Variants in RAB8A observed in about 807,000 individuals in gnomAD.
RAB8A encodes the protein RAB8A, member RAS oncogene family, also known as ras-related protein Rab-8A.
RAB8A carries 5 observed loss-of-function variants against 29.2 expected under a neutral mutation model. The observed-to-expected ratio is 0.17, with a 90% confidence interval of 0.09 to 0.36. RAB8A has a LOEUF of 0.36. Ranked by LOEUF, RAB8A falls within the 10% of genes least tolerant of loss-of-function variation. RAB8A has a pLI of 1.00. For synonymous variants in RAB8A, 108 were observed against 99.9 expected, an observed-to-expected ratio of 1.08 and a Z score of -0.49; for missense variants, 171 against 272.2, an observed-to-expected ratio of 0.63 and a Z score of 2.62.
Position 16,127,907 on chromosome 19 carries a change from A to G in RAB8A, c.415-119A>G. 1.0e-6 allele frequency: 1 copy of G among 1,004,086 alleles called. No homozygotes were observed. The highest frequency in any genetic ancestry group is 1.6e-6 in the Non-Finnish European group (1 of 640,166). The allele number at this position is 1,004,086 out of a possible 1,614,324, so 62.2% of individuals were successfully genotyped here. On this transcript the variant is annotated intron_variant, in intron 5 of 7. Coordinates refer to ENST00000300935, the MANE Select transcript of RAB8A (RefSeq NM_005370.5). This position sits in a 1 kb window ranked among gnomAD's most constrained non-coding sequence, Gnocchi z 4.8. ...GAGTGATCCAGGAAGTCACGCCCAC[A>G]GCCCCAGCCCTGTTGCTGCTCCCTC...
At chr19:16,123,045 C>CT (rs1267086897) in intron 3 of RAB8A, among the ~76,000 whole-genome samples, 2 of 152,226 alleles carry the variant, frequency 1.3e-5, no homozygotes, top group East Asian at 3.8e-4. Context: ...CTCAGATTAT[C>CT]TCATTGCATT....
chr19:16,128,154 G>C (rs1192425790), intron 6 of RAB8A, 63 bp downstream of exon 6: 1 of 1,555,220 alleles, frequency 6.4e-7, no homozygotes, highest in Non-Finnish European at 8.9e-7. Flanking sequence ...AGGCTAAAGG[G>C]GGAGCTGGCG....
Position 16,127,356 on chromosome 19 carries a change from C to A in RAB8A, c.325-81C>A. ...AGTCCTGACCCCACCGCTCTGATTTCTGGGGACAGACTGTGTGTTGGCAGA... is the reference window on the plus strand; with the variant it reads ...AGTCCTGACCCCACCGCTCTGATTTATGGGGACAGACTGTGTGTTGGCAGA... On this transcript the variant is annotated intron_variant, in intron 4 of 7. Coordinates refer to ENST00000300935, the MANE Select transcript of RAB8A (RefSeq NM_005370.5). The surrounding 1 kb of genome is among the most constrained non-coding windows in gnomAD (Gnocchi z 4.8). 1.1e-6 allele frequency: 1 copy of A among 942,464 alleles called. No individual in the cohort carries two copies. The highest frequency in any genetic ancestry group is 3.0e-5 in the East Asian group (1 of 33,786). The allele number at this position is 942,464 out of a possible 1,614,324, so 58.4% of individuals were successfully genotyped here. A position where few individuals can be genotyped will look rare whatever the true frequency, so the allele number is the denominator to read the frequency against.
At chr19:16,118,118 C>A in intron 1 of RAB8A, 108 bp from the exon 2 acceptor site, 2 of 844,332 alleles carry the variant, frequency 2.4e-6, no homozygotes, top group South Asian at 1.4e-5. Flanking sequence ...CAGGCAGGGT[C>A]TCCGTAAGCC....
intron 6 of RAB8A, among the ~76,000 whole-genome samples, chr19:16,128,979 C>G (rs1478806923): frequency 6.6e-6 from 1 of 152,212 alleles, no homozygotes; most frequent in African/African-American, 2.4e-5. Context: ...AAGGCTGTGA[C>G]AGCAGCTCAA....
chr19:16,128,156 G>A (rs763703589), intron 6 of RAB8A, 65 bp downstream of exon 6: 243 of 1,544,540 alleles, frequency 1.6e-4, no homozygotes, highest in Non-Finnish European at 2.1e-4. Flanking sequence ...GCTAAAGGGG[G>A]AGCTGGCGTC....
At chr19:16,114,905 C>T (rs2090840022) in intron 1 of RAB8A, among the ~76,000 whole-genome samples, 1 of 145,422 alleles carries the variant, frequency 6.9e-6, no homozygotes, top group South Asian at 2.2e-4. Flanking sequence ...CCTCATAATT[C>T]TTAGGCCTCA....
chr19:16,128,169 C>A, intron 6 of RAB8A, 78 bp downstream of exon 6: 1 of 1,478,192 alleles, frequency 6.8e-7, no homozygotes. Flanking sequence ...CTGGCGTCCT[C>A]CGAGGAGGTC....
At chr19:16,115,009 G>A (rs1599394255) in intron 1 of RAB8A, among the ~76,000 whole-genome samples, 1 of 152,096 alleles carries the variant, frequency 6.6e-6, no homozygotes, top group East Asian at 1.9e-4. Context: ...CAACCTAACA[G>A]TGCTCCTCGA....
Position 16,132,098 on chromosome 19 carries a change from T to A in RAB8A, c.532-114T>A, listed in dbSNP as rs1187546410. ...GTTGTTTGGTTGGTTGGTTGGTTGG[T>A]TGGTTGGATGGTTGGATGGATGGTT... On this transcript the variant is annotated intron_variant, in intron 7 of 7. Transcript: ENST00000300935. This position sits in a 1 kb window ranked among gnomAD's most constrained non-coding sequence, Gnocchi z 5.6. 1.8e-5 allele frequency: 15 copies of A among 837,866 alleles called. No individual in the cohort carries two copies. The East Asian group carries it at 3.5e-4, about 19-fold the overall frequency. The allele number at this position is 837,866 out of a possible 1,614,324, so 51.9% of individuals were successfully genotyped here.
Position 16,127,330 on chromosome 19 carries a change from C to T in RAB8A, c.325-107C>T. 1.6e-6 allele frequency: 1 copy of T among 612,356 alleles called. No individual in the cohort carries two copies. The highest frequency in any genetic ancestry group is 1.9e-5 in the African/African-American group (1 of 52,540). The allele number at this position is 612,356 out of a possible 1,614,324, so 37.9% of individuals were successfully genotyped here. On this transcript the variant is annotated intron_variant, in intron 4 of 7. Coordinates refer to ENST00000300935, the MANE Select transcript of RAB8A (RefSeq NM_005370.5). The surrounding 1 kb of genome is among the most constrained non-coding windows in gnomAD (Gnocchi z 4.8). ...GTCCCTTAGACCAGGCTGTACCTAG[C>T]AGTCCTGACCCCACCGCTCTGATTT...
At chr19:16,130,876 T>G (rs1448651305) in intron 7 of RAB8A, among the ~76,000 whole-genome samples, 12 of 151,982 alleles carry the variant, frequency 7.9e-5, no homozygotes. Flanking sequence ...CAGGCTAGAG[T>G]GCAATGGTGC....
intron 7 of RAB8A, among the ~76,000 whole-genome samples, chr19:16,130,838 T>TTTTTC (rs2090921733): frequency 7.5e-6 from 1 of 133,698 alleles, no homozygotes; most frequent in Non-Finnish European, 1.7e-5. Flanking sequence ...TTTTCTTTTT[T>TTTTTC]TTTGAGAAGG....
At chr19:16,131,594 G>A (rs575533369) in intron 7 of RAB8A, among the ~76,000 whole-genome samples, 52 of 152,016 alleles carry the variant, frequency 3.4e-4, no homozygotes, top group African/African-American at 1.3e-3. Context: ...TGGATGGGTG[G>A]ATGGATGGTT....
At position 16,114,084 on chromosome 19, in the gene RAB8A, A is replaced by G. The variant is rs912801994; in HGVS notation, c.124+2059A>G. On this transcript the variant is annotated intron_variant, in intron 1 of 7. Coordinates refer to ENST00000300935, the MANE Select transcript of RAB8A (RefSeq NM_005370.5). ...GTGGCGTTAATTCAGCCTGGGCAACATGGCAAACCCCATCTCTACAAAAAA... is the reference window on the plus strand; with the variant it reads ...GTGGCGTTAATTCAGCCTGGGCAACGTGGCAAACCCCATCTCTACAAAAAA... Among the ~76,000 whole-genome samples the G allele has an allele frequency of 3.3e-5, 5 of 152,000 alleles. No individual in the cohort carries two copies. The East Asian group carries it at 7.7e-4, about 23-fold the overall frequency.
intron 1 of RAB8A, 134 bp downstream of exon 1, chr19:16,112,159 A>G: frequency 7.7e-7 from 1 of 1,305,284 alleles, no homozygotes; most frequent in East Asian, 2.4e-5. Context: ...TAAAGGGAGA[A>G]GAGCAGTCGC....
At position 16,132,101 on chromosome 19, in the gene RAB8A, G is replaced by C; in HGVS notation, c.532-111G>C. 1 of 865,830 alleles carries C rather than the reference G, an allele frequency of 1.2e-6. No homozygotes were observed. The highest frequency in any genetic ancestry group is 1.9e-6 in the Non-Finnish European group (1 of 536,660). The allele number at this position is 865,830 out of a possible 1,614,324, so 53.6% of individuals were successfully genotyped here. ...GTTTGGTTGGTTGGTTGGTTGGTTG[G>C]TTGGATGGTTGGATGGATGGTTAGG... On this transcript the variant is annotated intron_variant, in intron 7 of 7. Coordinates refer to ENST00000300935, the MANE Select transcript of RAB8A (RefSeq NM_005370.5). The surrounding 1 kb of genome is among the most constrained non-coding windows in gnomAD (Gnocchi z 5.6).
Position 16,127,811 on chromosome 19 carries a change from C to G in RAB8A, c.415-215C>G. The G allele has an allele frequency of 1.6e-6, 1 of 632,936 alleles. No homozygotes were observed. The highest frequency in any genetic ancestry group is 2.8e-6 in the Non-Finnish European group (1 of 352,130). The allele number at this position is 632,936 out of a possible 1,614,324, so 39.2% of individuals were successfully genotyped here. Reference sequence around the variant, plus strand: ...CAGCAGGTCCCCGCCACCCTCCCATCTCAGCTGCCATCCCCAGCAACTCCA... The same window carrying G: ...CAGCAGGTCCCCGCCACCCTCCCATGTCAGCTGCCATCCCCAGCAACTCCA... On this transcript the variant is annotated intron_variant, in intron 5 of 7. Coordinates refer to ENST00000300935, the MANE Select transcript of RAB8A (RefSeq NM_005370.5). The surrounding 1 kb of genome is among the most constrained non-coding windows in gnomAD (Gnocchi z 4.8).
At chr19:16,117,859 G>A (rs541058178) in intron 1 of RAB8A, among the ~76,000 whole-genome samples, 2 of 152,324 alleles carry the variant, frequency 1.3e-5, no homozygotes, top group East Asian at 1.9e-4. Flanking sequence ...CTGTGTGCCT[G>A]GGGGTTGGTC....
Sources: gnomAD v4.1 joint callset for allele counts (sites outside exome capture counted in the v4.1 genomes callset) on GRCh38, gnomAD v4.1.1 for gene constraint, Gnocchi (gnomAD v3.1) non-coding constraint, MANE v1.5 for transcripts, NCBI Gene and HGNC (gene_info 2026-07-23, HGNC 2026-07-21) for gene names.